The following CSMD1 variants were observed in gnomAD, a reference collection of about 807,000 sequenced individuals.
The protein encoded by CSMD1 is CUB and sushi domain-containing protein 1.
Under a neutral mutation model 417.5 loss-of-function variants are expected in CSMD1, and 213 were observed. That is an observed-to-expected ratio of 0.51 (90% CI 0.46 to 0.57). The LOEUF is 0.57. Ranked by LOEUF, CSMD1 falls within the 20% of genes least tolerant of loss-of-function variation. The pLI is 0.00. For missense variants in CSMD1, 6,923 were observed against 4,529.7 expected (o/e 1.53, Z -15.17); for synonymous variants, 2,862 against 1,736.8 (o/e 1.65, Z -16.11).
chr8:4,051,500 A>G (rs1798422335), intron 3 of CSMD1, among the ~76,000 whole-genome samples: 1 of 152,116 alleles, frequency 6.6e-6, no homozygotes, highest in African/African-American at 2.4e-5. Flanking sequence ...GTTATTCTGT[A>G]TTTCCATGAC....
Position 3,029,358 on chromosome 8 carries a change from C to G in CSMD1, c.7816G>C (p.Gly2606Arg). ...GWRLLRCQAN[G>R]TWNIGDERPS... ...CTCTCATCTCCTATGTTCCACGTCC[C>G]ATTGGCCTGGCACCGCAGGAGCCTC... Residue 2606 changes from glycine (G) to arginine (R), a missense_variant, in exon 51 of 70, where the codon GGG (glycine) becomes CGG (arginine). Gly to Arg is a moderately radical substitution (Grantham distance 125). Transcript: ENST00000635120. 1 of 1,610,996 alleles carries G rather than the reference C, an allele frequency of 6.2e-7. No homozygotes were observed. Among genetic ancestry groups the G allele is most frequent in the Non-Finnish European group, 8.5e-7 (1 of 1,179,396 alleles).
At chr8:4,740,483 A>T (rs1399003385) in intron 1 of CSMD1, among the ~76,000 whole-genome samples, 1 of 152,174 alleles carries the variant, frequency 6.6e-6, no homozygotes, top group Non-Finnish European at 1.5e-5. Flanking sequence ...TGTTTAGAGG[A>T]AAGTGCAATG....
At chr8:3,335,634 C>G (rs993306084) in intron 23 of CSMD1, among the ~76,000 whole-genome samples, 1 of 152,080 alleles carries the variant, frequency 6.6e-6, no homozygotes, top group Non-Finnish European at 1.5e-5. Flanking sequence ...CGAGCTCGTG[C>G]CATTGCACTC....
At chr8:4,453,587 T>G (rs912207943) in intron 2 of CSMD1, among the ~76,000 whole-genome samples, 1 of 152,082 alleles carries the variant, frequency 6.6e-6, no homozygotes, top group African/African-American at 2.4e-5. Flanking sequence ...GCTTGAACAA[T>G]TGAACTGCTG....
chr8:4,350,801 G>A (rs907357762), intron 3 of CSMD1, among the ~76,000 whole-genome samples: 2 of 152,112 alleles, frequency 1.3e-5, no homozygotes, highest in African/African-American at 2.4e-5. Context: ...CCAGCATCTA[G>A]TTACTTTAGC....
chr8:3,196,219 C>A (rs1210892289), intron 33 of CSMD1, among the ~76,000 whole-genome samples: 3 of 152,138 alleles, frequency 2.0e-5, no homozygotes, highest in South Asian at 2.1e-4. Flanking sequence ...AATGCCATGG[C>A]AATGCCAGGA....
At chr8:3,343,531 T>C (rs1807797615) in intron 22 of CSMD1, 81 bp from the exon 23 acceptor site, 1 of 1,253,066 alleles carries the variant, frequency 8.0e-7, no homozygotes, top group African/African-American at 1.5e-5. Flanking sequence ...AATCCAAATC[T>C]TCAAAGATGC....
intron 2 of CSMD1, among the ~76,000 whole-genome samples, chr8:4,613,645 C>T (rs935683083): frequency 5.3e-5 from 8 of 152,094 alleles, no homozygotes; most frequent in African/African-American, 1.9e-4. Context: ...TGCCTGACAA[C>T]CCTTAATGAA....
At chr8:3,010,352 G>C (rs1183767433) in intron 52 of CSMD1, among the ~76,000 whole-genome samples, 1 of 152,182 alleles carries the variant, frequency 6.6e-6, no homozygotes, top group Non-Finnish European at 1.5e-5. Flanking sequence ...TCTGAGTGCA[G>C]CACCATGCCT....
At chr8:4,369,024 C>G (rs1024787022) in intron 3 of CSMD1, among the ~76,000 whole-genome samples, 7 of 151,942 alleles carry the variant, frequency 4.6e-5, no homozygotes, top group African/African-American at 1.7e-4. Context: ...TCTAGTTCCT[C>G]TAGGTTTGAT....
At chr8:4,674,011 T>C (rs576941017) in intron 1 of CSMD1, among the ~76,000 whole-genome samples, 13 of 152,282 alleles carry the variant, frequency 8.5e-5, no homozygotes, top group Admixed American at 3.9e-4. Flanking sequence ...CAGAGGCAAA[T>C]CTTACGGTAT....
chr8:3,545,823 A>T lies in CSMD1; in HGVS notation c.1344+29122T>A, dbSNP rs547923179. ...TGTGAAAAGGCTCAGGAAGCAAGTTATTTAGTAGCAGAGTCTATTGGCCAC... is the reference window on the plus strand; with the variant it reads ...TGTGAAAAGGCTCAGGAAGCAAGTTTTTTAGTAGCAGAGTCTATTGGCCAC... On this transcript the variant is annotated intron_variant, in intron 10 of 69. Transcript: ENST00000635120. Among the ~76,000 whole-genome samples the T allele has an allele frequency of 8.5e-5, 13 of 152,254 alleles. 1 individual carries two copies. The highest frequency in any genetic ancestry group is 1.8e-4 in the Non-Finnish European group (12 of 68,044).
chr8:3,175,347 G>A (rs78853565), intron 37 of CSMD1, among the ~76,000 whole-genome samples: 1 of 151,184 alleles, frequency 6.6e-6, no homozygotes, highest in Non-Finnish European at 1.5e-5. Flanking sequence ...AACCTCCTAC[G>A]TTATTCAGAA....
intron 1 of CSMD1, among the ~76,000 whole-genome samples, chr8:4,839,513 G>A (rs1162226246): frequency 6.6e-6 from 1 of 152,032 alleles, no homozygotes; most frequent in Non-Finnish European, 1.5e-5. Flanking sequence ...GATTTTTTCT[G>A]GGGCTCTGGG....
chr8:4,063,515 G>C (rs1799088123), intron 3 of CSMD1, among the ~76,000 whole-genome samples: 1 of 152,106 alleles, frequency 6.6e-6, no homozygotes, highest in African/African-American at 2.4e-5. Flanking sequence ...ACTATTCTGT[G>C]TGCCACAGTT....
intron 26 of CSMD1, 120 bp downstream of exon 26, chr8:3,284,024 A>G: frequency 1.1e-6 from 1 of 882,994 alleles, no homozygotes; most frequent in South Asian, 1.6e-5. Context: ...CTAACTTCAA[A>G]TTAGGCTCAA....
At chr8:3,436,902 T>A (rs1336855707) in intron 12 of CSMD1, among the ~76,000 whole-genome samples, 10 of 152,170 alleles carry the variant, frequency 6.6e-5, no homozygotes, top group Non-Finnish European at 1.5e-4. Context: ...TATTATTTTC[T>A]CAGCCACTTT....
chr8:3,372,442 C>T (rs1810019709), intron 18 of CSMD1, among the ~76,000 whole-genome samples: 1 of 152,076 alleles, frequency 6.6e-6, no homozygotes, highest in African/African-American at 2.4e-5. Context: ...TGAGGCTGTG[C>T]TGAGAGAATA....
chr8:3,923,951 T>G (rs1809460942), intron 5 of CSMD1, among the ~76,000 whole-genome samples: 2 of 152,218 alleles, frequency 1.3e-5, no homozygotes, highest in South Asian at 4.1e-4. Flanking sequence ...ATTATTACAG[T>G]ATTAGAATAT....
Sources: gnomAD v4.1 joint callset for allele counts (sites outside exome capture counted in the v4.1 genomes callset) on GRCh38, gnomAD v4.1.1 for gene constraint, MANE v1.5 for transcripts, NCBI Gene and HGNC (gene_info 2026-07-23, HGNC 2026-07-21) for gene names.